The following OCSTAMP variants were observed in gnomAD, a reference collection of about 807,000 sequenced individuals.
The protein encoded by OCSTAMP is osteoclast stimulatory transmembrane protein, also known as transmembrane protein C20orf123.
Under a neutral mutation model 25.2 loss-of-function variants are expected in OCSTAMP, and 17 were observed. That is an observed-to-expected ratio of 0.68 (90% confidence interval 0.46 to 1.01). The LOEUF (loss-of-function observed/expected upper bound fraction) is 1.01. Ranked by LOEUF, OCSTAMP falls within the 50% of genes least tolerant of loss-of-function variation. OCSTAMP has a pLI of 0.00. For synonymous variants in OCSTAMP, 345 were observed against 318.9 expected, an observed-to-expected ratio of 1.08 and a Z score of -0.87; for missense variants, 664 against 694.6, an observed-to-expected ratio of 0.96 and a Z score of 0.50.
chr20:46,545,823 C>T lies in OCSTAMP; in HGVS notation c.551G>A (p.Gly184Asp), dbSNP rs192539955. 9.3e-5 allele frequency: 145 copies of T among 1,551,286 alleles called. No individual in the cohort carries two copies. The African/African-American group carries it at 1.7e-3, about 18-fold the overall frequency. The part of the protein sequence containing the change: ...LGPTGQAGSR[G>D]LTFEAQDNGS... ...ATTGTCCTGGGCCTCAAATGTCAGG[C>T]CCCGGCTGCCTGCCTGGCCTGTGGG... Residue 184 changes from glycine (G) to aspartate (D), a missense_variant, in exon 2 of 3, where the codon GGC becomes GAC. Transcript: ENST00000279028.
In OCSTAMP at chr20:46,541,305, T is replaced by C. The variant is rs1209316471; in HGVS notation, c.1670A>G (p.Glu557Gly). The C allele has an allele frequency of 2.7e-6, 2 of 729,216 alleles. No individual in the cohort carries two copies. Among genetic ancestry groups the C allele is most frequent in the Non-Finnish European group, 5.1e-6 (2 of 394,936 alleles). The allele number at this position is 729,216 out of a possible 1,614,324, so 45.2% of individuals were successfully genotyped here. The change falls in exon 3 of 3, where the codon GAA becomes GGA. Residue 557 changes from glutamate to glycine, a missense_variant. Transcript: ENST00000279028. Reference sequence around the variant, plus strand: ...AGGCCTATCATGCCCAGTATTTCCTTCCATCCTGACCACATCCCTGCGTGG... The same window carrying C: ...AGGCCTATCATGCCCAGTATTTCCTCCCATCCTGACCACATCCCTGCGTGG... ...YFPRRDVVRM[E>G]GNTGHDRPG
chr20:46,548,894 CA>C (rs920071308), intron 1 of OCSTAMP, among the ~76,000 whole-genome samples: 1 of 152,054 alleles, frequency 6.6e-6, no homozygotes, highest in Admixed American at 6.6e-5. Context: ...GCTGCAACGA[CA>C]AAAAAACTGC....
At chr20:46,546,402 C>T (rs2061853315) in intron 1 of OCSTAMP, 73 bp from the exon 2 acceptor site, 13 of 1,287,552 alleles carry the variant, frequency 1.0e-5, no homozygotes, top group Non-Finnish European at 1.1e-5. Context: ...TGCCCCTGCC[C>T]CACATACCCA....
intron 1 of OCSTAMP, among the ~76,000 whole-genome samples, chr20:46,549,375 G>A (rs1352843645): frequency 6.6e-6 from 1 of 152,206 alleles, no homozygotes; most frequent in Non-Finnish European, 1.5e-5. Context: ...TGGACACAAA[G>A]ATGAATTAAG....
At position 46,541,327 on chromosome 20, in the gene OCSTAMP, G is replaced by A; in HGVS notation, c.1648C>T (p.Arg550Cys). The change falls in exon 3 of 3, where the codon CGC becomes TGC. Residue 550 changes from arginine to cysteine, a missense_variant. By Grantham distance (180) the Arg-to-Cys change is radical. Transcript: ENST00000279028. ...IFTIDVTYFP[R>C]RDVVRMEGNT... ...CCTTCCATCCTGACCACATCCCTGC[G>A]TGGGAAGTAGGTCACATCAATGGTA... is the stretch of plus-strand genomic sequence containing the variant. 1.3e-6 allele frequency: 1 copy of A among 741,880 alleles called. No individual in the cohort carries two copies. The highest frequency in any genetic ancestry group is 2.0e-5 in the Admixed American group (1 of 50,042). The allele number at this position is 741,880 out of a possible 1,614,324, so 46.0% of individuals were successfully genotyped here. A position where few individuals can be genotyped will look rare whatever the true frequency, so the allele number is the denominator to read the frequency against.
chr20:46,541,266 T>C lies in OCSTAMP; in HGVS notation c.*8A>G. The C allele has an allele frequency of 1.4e-6, 1 of 720,010 alleles. No homozygotes were observed. Among genetic ancestry groups the C allele is most frequent in the Non-Finnish European group, 2.6e-6 (1 of 386,532 alleles). The allele number at this position is 720,010 out of a possible 1,614,324, so 44.6% of individuals were successfully genotyped here. On this transcript the variant is annotated 3_prime_UTR_variant, in exon 3 of 3. Transcript: ENST00000279028. ...CCTTGTCTTCGCCTTTGCATGGTTC[T>C]TTACCGGTTATCCAGGCCTATCATG...
rs896943145 is a variant in OCSTAMP, at chr20:46,545,915, G to A, written c.459C>T (p.Thr153=). 1.7e-5 allele frequency: 26 copies of A among 1,551,178 alleles called. No individual in the cohort carries two copies. The highest frequency in any genetic ancestry group is 2.2e-5 in the Non-Finnish European group (25 of 1,147,004). ...GAAGQVLRCV[T]EGSLESLLNT... is the part of the protein sequence containing the mutation. Reference sequence around the variant, plus strand: ...TGAGGAGACTCTCCAGGGAGCCCTCGGTGACACACCTCAGCACCTGCCCGG... The same window carrying A: ...TGAGGAGACTCTCCAGGGAGCCCTCAGTGACACACCTCAGCACCTGCCCGG... The change falls in exon 2 of 3, where the codon ACC becomes ACT. Residue 153 remains threonine (T), a synonymous_variant. Coordinates refer to ENST00000279028, the MANE Select transcript of OCSTAMP (RefSeq NM_080721.3).
intron 1 of OCSTAMP, among the ~76,000 whole-genome samples, chr20:46,546,938 GA>G (rs1464389943): frequency 6.6e-6 from 1 of 152,146 alleles, no homozygotes; most frequent in Admixed American, 6.5e-5. Flanking sequence ...AAACAGGAAT[GA>G]AAAAAACAGA....
At chr20:46,542,568 C>T (rs371146356) in intron 2 of OCSTAMP, among the ~76,000 whole-genome samples, 578 of 3,082 alleles carry the variant, frequency 0.19, 5 homozygotes, top group African/African-American at 0.35. Flanking sequence ...CAGCAAGACT[C>T]TGTCTCAAAA....
chr20:46,548,613 T>C (rs879527991), intron 1 of OCSTAMP, among the ~76,000 whole-genome samples: 8 of 152,120 alleles, frequency 5.3e-5, no homozygotes, highest in African/African-American at 1.4e-4. Flanking sequence ...TGAGGCCCAC[T>C]TGAGGTTGGA....
chr20:46,543,291 C>CTT lies in OCSTAMP; in HGVS notation c.1048-1365_1048-1364insAA, dbSNP rs1185057660. Among the ~76,000 whole-genome samples the CTT allele has an allele frequency of 5.1e-3, 539 of 106,294 alleles. 1 individual carries two copies. Among genetic ancestry groups the CTT allele is most frequent in the African/African-American group, 0.019 (517 of 26,896 alleles). 69.7% of individuals were successfully genotyped at this position (106,294 alleles called of 152,430 possible). A position where few individuals can be genotyped will look rare whatever the true frequency, so the allele number is the denominator to read the frequency against. On this transcript the variant is annotated intron_variant, in intron 2 of 2. Coordinates refer to ENST00000279028, the MANE Select transcript of OCSTAMP (RefSeq NM_080721.3). ...TTTCTTTCTCTCTTTCTCTTTCTTTCTCTCTTTCTCTTTCCTTTCTTTCTT... is the reference window on the plus strand; with the variant it reads ...TTTCTTTCTCTCTTTCTCTTTCTTTCTTTCTCTTTCTCTTTCCTTTCTTTCTT...
chr20:46,543,041 AATG>A (rs1426622456), intron 2 of OCSTAMP, among the ~76,000 whole-genome samples: 1 of 152,138 alleles, frequency 6.6e-6, no homozygotes, highest in Admixed American at 6.6e-5. Flanking sequence ...AGGCACAGAG[AATG>A]ATATTGGAGG....
Position 46,541,297 on chromosome 20 carries a change from T to C in OCSTAMP, c.1678A>G (p.Thr560Ala), listed in dbSNP as rs962823184. 2.8e-6 allele frequency: 2 copies of C among 725,372 alleles called. No homozygotes were observed. Among genetic ancestry groups the C allele is most frequent in the African/African-American group, 3.5e-5 (2 of 57,368 alleles). The allele number at this position is 725,372 out of a possible 1,614,324, so 44.9% of individuals were successfully genotyped here. ...RRDVVRMEGNTGHDRPG is the reference protein window; with the variant it reads ...RRDVVRMEGNAGHDRPG ...GGTTATCCAGGCCTATCATGCCCAG[T>C]ATTTCCTTCCATCCTGACCACATCC... is the stretch of plus-strand genomic sequence containing the variant. The change falls in exon 3 of 3, where the codon ACT (threonine) becomes GCT (alanine). Residue 560 changes from threonine (T) to alanine (A), a missense_variant. Coordinates refer to ENST00000279028, the MANE Select transcript of OCSTAMP (RefSeq NM_080721.3).
At chr20:46,550,490 C>A in intron 1 of OCSTAMP, 27 bp downstream of exon 1, 1 of 1,549,192 alleles carries the variant, frequency 6.5e-7, no homozygotes, top group Non-Finnish European at 8.7e-7. Context: ...ACCTGTAGCC[C>A]TCAGTGTCCA....
At chr20:46,549,621 A>T (rs2061864014) in intron 1 of OCSTAMP, among the ~76,000 whole-genome samples, 1 of 152,100 alleles carries the variant, frequency 6.6e-6, no homozygotes, top group Admixed American at 6.5e-5. Context: ...AGGGAGTTGG[A>T]CATCCCTGAC....
chr20:46,549,895 A>C (rs928038226), intron 1 of OCSTAMP, among the ~76,000 whole-genome samples: 2 of 150,928 alleles, frequency 1.3e-5, no homozygotes, highest in Non-Finnish European at 2.9e-5. Flanking sequence ...TTTTCTTGAG[A>C]GATAAGAAGA....
chr20:46,546,308 C>T lies in OCSTAMP; in HGVS notation c.66G>A (p.Gly22=), dbSNP rs757215097. The change falls in exon 2 of 3, where the codon GGG becomes GGA. Residue 22 remains glycine, a synonymous_variant. Transcript: ENST00000279028. ...VKTGWRSWHL[G]FWKALAPLQA... ...GCAGTGGGGCAAGGGCCTTCCAGAA[C>T]CCCAAGTGCCAGGACCTCCACCTGC... 6.5e-7 allele frequency: 1 copy of T among 1,549,032 alleles called. No individual in the cohort carries two copies. The highest frequency in any genetic ancestry group is 1.4e-5 in the African/African-American group (1 of 73,074).
intron 1 of OCSTAMP, among the ~76,000 whole-genome samples, chr20:46,549,139 A>G (rs552880529): frequency 2.5e-4 from 38 of 152,346 alleles, no homozygotes; most frequent in African/African-American, 8.4e-4. Flanking sequence ...TGTAAGATCA[A>G]TCTGTCACTT....
In OCSTAMP at chr20:46,541,819, A is replaced by C. The variant is rs1408165369; in HGVS notation, c.1156T>G (p.Ser386Ala). ...SSYQWELRLTSARCPLLPARR... is the reference protein window; with the variant it reads ...SSYQWELRLTAARCPLLPARR... ...GCGGGTAGCAGTGGGCAGCGGGCGG[A>C]GGTGAGGCGGAGCTCCCATTGGTAG... The change falls in exon 3 of 3, where the codon TCC becomes GCC. Residue 386 changes from serine to alanine, a missense_variant. Ser to Ala is a moderately conservative substitution (Grantham distance 99). Transcript: ENST00000279028. 1 of 1,478,882 alleles carries C rather than the reference A, an allele frequency of 6.8e-7. No individual in the cohort carries two copies. Among genetic ancestry groups the C allele is most frequent in the African/African-American group, 1.4e-5 (1 of 70,152 alleles). 91.6% of individuals were successfully genotyped at this position (1,478,882 alleles called of 1,614,324 possible).
Sources: gnomAD v4.1 joint callset for allele counts (sites outside exome capture counted in the v4.1 genomes callset) on GRCh38, gnomAD v4.1.1 for gene constraint, MANE v1.5 for transcripts, NCBI Gene and HGNC (gene_info 2026-07-23, HGNC 2026-07-21) for gene names.